DGKB: variants seen among roughly 807,000 people sequenced by gnomAD.
The protein encoded by DGKB is diacylglycerol kinase beta.
DGKB carries 67 observed loss-of-function variants against 114.3 expected under a neutral mutation model. The ratio of observed to expected loss-of-function variants is 0.59; its 90% CI spans 0.48 to 0.72. DGKB has a LOEUF of 0.72. Among genes scored for constraint, DGKB ranks in the 30% least tolerant of loss-of-function variants. DGKB has a pLI of 0.00. For synonymous variants in DGKB, 398 were observed against 323.1 expected, an observed-to-expected ratio of 1.23 and a Z score of -2.49; for missense variants, 907 against 975.2, an observed-to-expected ratio of 0.93 and a Z score of 0.93.
chr7:14,733,109 T>C (rs1831159969), intron 5 of DGKB, among the ~76,000 whole-genome samples: 2 of 152,214 alleles, frequency 1.3e-5, no homozygotes, highest in Non-Finnish European at 2.9e-5. Flanking sequence ...AGAATCATTT[T>C]AAAATGTCCA....
chr7:14,780,801 C>A (rs1054723654), intron 2 of DGKB, among the ~76,000 whole-genome samples: 1 of 152,162 alleles, frequency 6.6e-6, no homozygotes, highest in Non-Finnish European at 1.5e-5. Context: ...GCCTTTTTAA[C>A]ATTCTTTATG....
At chr7:14,304,777 A>C (rs1162930341) in intron 23 of DGKB, among the ~76,000 whole-genome samples, 2 of 152,086 alleles carry the variant, frequency 1.3e-5, no homozygotes, top group Non-Finnish European at 2.9e-5. Flanking sequence ...TGAAGCAAAA[A>C]TTTGTTCAGC....
At chr7:14,644,192 G>A (rs1177467742) in intron 13 of DGKB, among the ~76,000 whole-genome samples, 2 of 151,172 alleles carry the variant, frequency 1.3e-5, no homozygotes, top group Non-Finnish European at 2.9e-5. Context: ...CTACCTAACT[G>A]ACTCTATAGA....
chr7:14,579,539 T>C (rs967457363), intron 19 of DGKB, among the ~76,000 whole-genome samples: 2 of 152,204 alleles, frequency 1.3e-5, no homozygotes, highest in African/African-American at 4.8e-5. Flanking sequence ...TGCACTTGTA[T>C]GAACACTGGC....
chr7:14,606,125 G>T (rs1257631245), intron 17 of DGKB, among the ~76,000 whole-genome samples: 1 of 152,050 alleles, frequency 6.6e-6, no homozygotes, highest in Non-Finnish European at 1.5e-5. Flanking sequence ...CTTTTTTGAA[G>T]TCCAGAGAAT....
At chr7:14,466,509 G>A (rs898957418) in intron 21 of DGKB, among the ~76,000 whole-genome samples, 2 of 152,138 alleles carry the variant, frequency 1.3e-5, no homozygotes, top group Non-Finnish European at 2.9e-5. Flanking sequence ...AGTCAACACT[G>A]CAAAATAGGG....
At chr7:14,474,431 T>C (rs1287038608) in intron 21 of DGKB, among the ~76,000 whole-genome samples, 3 of 152,210 alleles carry the variant, frequency 2.0e-5, no homozygotes, top group African/African-American at 7.2e-5. Context: ...GATATGTCTT[T>C]ATCAGCAGCG....
At chr7:14,933,543 G>A (rs1785135259) in intron 1 of DGKB, among the ~76,000 whole-genome samples, 1 of 152,024 alleles carries the variant, frequency 6.6e-6, no homozygotes, top group South Asian at 2.1e-4. Context: ...TTATTGTTGT[G>A]CTAATTGCAT....
chr7:14,355,658 G>A (rs542554432), intron 21 of DGKB, among the ~76,000 whole-genome samples: 1 of 152,304 alleles, frequency 6.6e-6, no homozygotes, highest in Non-Finnish European at 1.5e-5. Context: ...GCTTTTTGAT[G>A]TGCTGCTGGA....
chr7:14,839,312 A>T (rs2128135048), intron 2 of DGKB, among the ~76,000 whole-genome samples: 1 of 152,210 alleles, frequency 6.6e-6, no homozygotes, highest in African/African-American at 2.4e-5. Context: ...AGGCAAATCA[A>T]TTTTTAACCA....
intron 23 of DGKB, among the ~76,000 whole-genome samples, chr7:14,185,452 T>C (rs1316478029): frequency 1.3e-5 from 2 of 152,032 alleles, no homozygotes; most frequent in Admixed American, 1.3e-4. Context: ...AAAAGCAATC[T>C]ACAATTCAAT....
chr7:14,945,368 G>T (rs1436017950), intron 1 of DGKB, among the ~76,000 whole-genome samples: 1 of 151,784 alleles, frequency 6.6e-6, no homozygotes, highest in Non-Finnish European at 1.5e-5. Context: ...CATTTGTCCT[G>T]TTCTAGTTCG....
intron 13 of DGKB, among the ~76,000 whole-genome samples, chr7:14,655,071 GA>G (rs1183159540): frequency 6.6e-6 from 1 of 151,636 alleles, no homozygotes; most frequent in African/African-American, 2.4e-5. Flanking sequence ...CTCAGCGAAG[GA>G]AACAATCACA....
intron 23 of DGKB, among the ~76,000 whole-genome samples, chr7:14,254,894 C>G (rs571056651): frequency 1.8e-4 from 27 of 152,260 alleles, no homozygotes; most frequent in African/African-American, 6.3e-4. Context: ...CATGAGTATT[C>G]ACAAATTCGG....
chr7:14,629,602 A>C (rs1809308618), intron 14 of DGKB, among the ~76,000 whole-genome samples: 1 of 152,100 alleles, frequency 6.6e-6, no homozygotes, highest in Non-Finnish European at 1.5e-5. Flanking sequence ...ATTGAATTGG[A>C]TACTGTCACA....
intron 20 of DGKB, among the ~76,000 whole-genome samples, chr7:14,511,539 A>C (rs1391109569): frequency 1.3e-5 from 2 of 152,180 alleles, no homozygotes; most frequent in East Asian, 3.9e-4. Flanking sequence ...CAGACCACTA[A>C]AACTTGCTCC....
At chr7:14,165,629 A>G (rs554037159) in intron 25 of DGKB, among the ~76,000 whole-genome samples, 20 of 152,330 alleles carry the variant, frequency 1.3e-4, no homozygotes, top group Admixed American at 2.0e-4. Context: ...ATGGGAAAAA[A>G]GTGATCAACG....
intron 16 of DGKB, among the ~76,000 whole-genome samples, chr7:14,611,522 C>A (rs896297727): frequency 6.6e-6 from 1 of 152,038 alleles, no homozygotes; most frequent in Non-Finnish European, 1.5e-5. Context: ...CTTATGCAGG[C>A]AGAAAAATTA....
chr7:14,793,172 C>T (rs1840925593), intron 2 of DGKB, among the ~76,000 whole-genome samples: 1 of 152,098 alleles, frequency 6.6e-6, no homozygotes, highest in Non-Finnish European at 1.5e-5. Context: ...AACAATTCTA[C>T]ATAAATATTA....
Sources: allele counts gnomAD v4.1 joint callset (sites outside exome capture counted in the v4.1 genomes callset), GRCh38; gene constraint gnomAD v4.1.1; transcripts MANE v1.5; gene names NCBI Gene and HGNC (gene_info 2026-07-23, HGNC 2026-07-21).